ZNF138: variants seen among roughly 807,000 people sequenced by gnomAD.
The protein encoded by ZNF138 is zinc finger protein 138 (clone pHZ-32).
In ZNF138, 33 loss-of-function variants were observed where a neutral mutation model predicts 33.0. The ratio of observed to expected loss-of-function variants is 1.00; its 90% CI spans 0.76 to 1.34. The LOEUF is 1.34. ZNF138 is among the 40% of genes most tolerant of loss of function. ZNF138 has a pLI of 0.00. For missense variants in ZNF138, 360 were observed against 370.8 expected (o/e 0.97, Z 0.24); for synonymous variants, 139 against 120.4 (o/e 1.15, Z -1.01).
the ZNF138 span, among the ~76,000 whole-genome samples, chr7:64,855,073 A>G: frequency 6.6e-6 from 1 of 152,182 alleles, no homozygotes; most frequent in Non-Finnish European, 1.5e-5. Context: ...CATGTAACTA[A>G]CAGTCCATTA....
the ZNF138 span, chr7:64,853,312 C>T: frequency 6.2e-7 from 1 of 1,609,982 alleles, no homozygotes; most frequent in Non-Finnish European, 8.5e-7. Context: ...AAGCTTTTGT[C>T]CAATTCGTAA....
At chr7:64,797,384 TATATAAACAC>T (rs1181548330) in intron 1 of ZNF138, among the ~76,000 whole-genome samples, 1 of 152,216 alleles carries the variant, frequency 6.6e-6, no homozygotes, top group Non-Finnish European at 1.5e-5. Context: ...TTCCTTCCCT[TATATAAACAC>T]TGTGTTTGAG....
At chr7:64,818,701 G>T (rs1788874387) in intron 3 of ZNF138, among the ~76,000 whole-genome samples, 1 of 137,330 alleles carries the variant, frequency 7.3e-6, no homozygotes, top group Non-Finnish European at 1.6e-5. Flanking sequence ...GGTGAGCCGA[G>T]ATCATGCCTC....
chr7:64,846,974 A>T, the ZNF138 span, among the ~76,000 whole-genome samples: 46,159 of 151,960 alleles, frequency 0.3, 8,556 homozygotes, highest in Non-Finnish European at 0.41. Context: ...TCATAAAGGG[A>T]TCCTGGAATT....
the ZNF138 span, among the ~76,000 whole-genome samples, chr7:64,846,200 C>G: frequency 9.9e-5 from 15 of 152,022 alleles, no homozygotes; most frequent in African/African-American, 3.6e-4. Context: ...TAATATGATG[C>G]CTTCAGATTT....
downstream of ZNF138, chr7:64,835,307 G>A (rs1416926824): frequency 6.6e-6 from 1 of 152,244 alleles, no homozygotes; most frequent in Non-Finnish European, 1.5e-5. Context: ...GTTAAGGGGT[G>A]TCACTGGGGA....
intron 1 of ZNF138, among the ~76,000 whole-genome samples, chr7:64,797,879 T>C (rs1194448574): frequency 6.6e-6 from 1 of 152,132 alleles, no homozygotes; most frequent in Non-Finnish European, 1.5e-5. Context: ...CAAAAAAGAT[T>C]AGAAGGTGAG....
At chr7:64,821,327 G>A (rs1413371874) in intron 3 of ZNF138, among the ~76,000 whole-genome samples, 1 of 151,332 alleles carries the variant, frequency 6.6e-6, no homozygotes, top group East Asian at 1.9e-4. Context: ...GTGACATTGT[G>A]ATCCACCCAC....
chr7:64,828,991 T>C (rs1256637546), intron 3 of ZNF138, among the ~76,000 whole-genome samples: 3 of 152,168 alleles, frequency 2.0e-5, no homozygotes, highest in Non-Finnish European at 2.9e-5. Flanking sequence ...GTGTGTTGTT[T>C]ACTATCTATA....
At chr7:64,847,465 C>T in the ZNF138 span, among the ~76,000 whole-genome samples, 1 of 151,316 alleles carries the variant, frequency 6.6e-6, no homozygotes, top group Non-Finnish European at 1.5e-5. Context: ...TAAAGTTTTC[C>T]ACTATTGTGT....
chr7:64,809,513 CCAGGA>C (rs1335688246), intron 1 of ZNF138, among the ~76,000 whole-genome samples: 3 of 266 alleles, frequency 0.011, no homozygotes, highest in Non-Finnish European at 0.018. Context: ...CACCTCCCTC[CCAGGA>C]TGGGGCGGCT....
At chr7:64,822,732 A>G (rs374440858) in intron 3 of ZNF138, among the ~76,000 whole-genome samples, 9 of 152,106 alleles carry the variant, frequency 5.9e-5, no homozygotes, top group African/African-American at 2.2e-4. Flanking sequence ...TCTTCTTTTT[A>G]ATGGATGTTT....
intron 3 of ZNF138, among the ~76,000 whole-genome samples, chr7:64,823,498 A>G (rs1006565609): frequency 3.3e-5 from 5 of 152,016 alleles, no homozygotes; most frequent in African/African-American, 9.7e-5. Context: ...ACCATGTTCA[A>G]CTAATTTTTT....
In ZNF138 at chr7:64,824,254, A is replaced by G. The variant is rs114582873; in HGVS notation, c.209-7197A>G. Among the ~76,000 whole-genome samples the G allele has an allele frequency of 3.3e-3, 508 of 152,224 alleles. 3 individuals are homozygous for G. Among genetic ancestry groups the G allele is most frequent in the African/African-American group, 0.012 (492 of 41,540 alleles). ...ATTCACATGAGAGCTGGTTCATTGA[A>G]AGAACCTAGCTTCTTTACCCCACAA... On this transcript the variant is annotated intron_variant, in intron 3 of 3. Transcript: ENST00000307355.
chr7:64,848,818 C>G, the ZNF138 span, among the ~76,000 whole-genome samples: 1 of 151,256 alleles, frequency 6.6e-6, no homozygotes, highest in African/African-American at 2.4e-5. Context: ...CATTCTCCTG[C>G]CTCAGCCTCC....
chr7:64,795,037 G>A (rs1469287050), intron 1 of ZNF138, among the ~76,000 whole-genome samples: 1 of 152,188 alleles, frequency 6.6e-6, no homozygotes, highest in Non-Finnish European at 1.5e-5. Flanking sequence ...GTTTGCAGTA[G>A]TGGTCCGTGG....
Position 64,824,569 on chromosome 7 carries a change from T to C in ZNF138, c.209-6882T>C, listed in dbSNP as rs1455663759. ...AATGGGGTCTTGATTTCTGCAATTA[T>C]TATGTTGCTATGTATTTCTTACTTG... On this transcript the variant is annotated intron_variant, in intron 3 of 3. Transcript: ENST00000307355. Among the ~76,000 whole-genome samples, 7 of 152,224 alleles carry C rather than the reference T, an allele frequency of 4.6e-5. No homozygotes were observed. In the East Asian group the frequency reaches 9.6e-4, roughly 21 times the overall value.
the ZNF138 span, among the ~76,000 whole-genome samples, chr7:64,845,658 G>A: frequency 1.3e-5 from 2 of 152,180 alleles, no homozygotes; most frequent in Admixed American, 1.3e-4. Context: ...GTTGGGATTT[G>A]CATTTCCCTG....
chr7:64,834,804 C>T (rs1019623007), downstream of ZNF138, among the ~76,000 whole-genome samples: 4 of 152,102 alleles, frequency 2.6e-5, no homozygotes, highest in South Asian at 2.1e-4. Flanking sequence ...TAGTATTCTG[C>T]GTTATACTCC....
Sources: allele counts gnomAD v4.1 joint callset (sites outside exome capture counted in the v4.1 genomes callset), GRCh38; gene constraint gnomAD v4.1.1; transcripts MANE v1.5; gene names NCBI Gene and HGNC (gene_info 2026-07-23, HGNC 2026-07-21).